PDK1: variants seen among roughly 807,000 people sequenced by gnomAD.
PDK1 encodes pyruvate dehydrogenase kinase 1.
PDK1 carries 39 observed loss-of-function variants against 54.2 expected under a neutral mutation model. The observed-to-expected ratio is 0.72, with a 90% CI of 0.56 to 0.94. The LOEUF is 0.94. PDK1 is among the 40% of genes least tolerant of loss of function. The pLI is 0.00. For synonymous variants in PDK1, 221 were observed against 207.1 expected (o/e 1.07, Z -0.58); for missense variants, 552 against 566.0 (o/e 0.98, Z 0.25).
chr2:172,699,827 G>A, the PDK1 span, among the ~76,000 whole-genome samples: 1 of 151,750 alleles, frequency 6.6e-6, no homozygotes, highest in African/African-American at 2.4e-5. Flanking sequence ...CAGGGTCACA[G>A]GACAACAGTG....
At chr2:172,672,669 C>T in the PDK1 span, among the ~76,000 whole-genome samples, 1 of 151,418 alleles carries the variant, frequency 6.6e-6, no homozygotes. Context: ...TTTACAATAT[C>T]ATTCAATAAA....
intron 5 of PDK1, 46 bp downstream of exon 5, chr2:172,565,119 AATT>A: frequency 8.9e-7 from 1 of 1,118,604 alleles, no homozygotes. Context: ...CAAAAATCAA[AATT>A]ATTGTTATTT....
chr2:172,656,183 C>T, the PDK1 span, among the ~76,000 whole-genome samples: 1 of 152,166 alleles, frequency 6.6e-6, no homozygotes, highest in Non-Finnish European at 1.5e-5. Context: ...TTCAGAATCT[C>T]TAAGTATTTT....
chr2:172,611,183 A>G (rs186441449), downstream of PDK1, among the ~76,000 whole-genome samples: 1 of 152,194 alleles, frequency 6.6e-6, no homozygotes, highest in African/African-American at 2.4e-5. Flanking sequence ...TTGATAGTCA[A>G]ATCCTGAGTA....
At chr2:172,707,060 C>T in the PDK1 span, among the ~76,000 whole-genome samples, 1 of 152,232 alleles carries the variant, frequency 6.6e-6, no homozygotes, top group East Asian at 1.9e-4. Flanking sequence ...GTTGTTTCCA[C>T]TGGGCACGGG....
chr2:172,699,728 TTTTTTC>T, the PDK1 span, among the ~76,000 whole-genome samples: 427 of 136,816 alleles, frequency 3.1e-3, 1 homozygote, highest in African/African-American at 9.8e-3. Context: ...TAAATGTGCT[TTTTTTC>T]TTTTTCTTTT....
In PDK1 at chr2:172,566,325, C is replaced by T. The variant is rs545838503; in HGVS notation, c.692-531C>T. Among the ~76,000 whole-genome samples, 7 of 152,206 alleles carry T rather than the reference C, an allele frequency of 4.6e-5. No homozygotes were observed. In the South Asian group the frequency reaches 8.3e-4, roughly 18 times the overall value. On this transcript the variant is annotated intron_variant, in intron 5 of 10. Coordinates refer to ENST00000282077, the MANE Select transcript of PDK1 (RefSeq NM_002610.5). ...ATCCCAGCACTTTGGAAGGCTGAAG[C>T]GGGTGGATCACCTGAGGTCAGGAGT...
At chr2:172,694,747 A>ATT in the PDK1 span, among the ~76,000 whole-genome samples, 1 of 152,198 alleles carries the variant, frequency 6.6e-6, no homozygotes, top group African/African-American at 2.4e-5. Context: ...ACTTGTTTTT[A>ATT]TTAATCTTTC....
the PDK1 span, among the ~76,000 whole-genome samples, chr2:172,710,474 T>A: frequency 6.6e-6 from 1 of 152,264 alleles, no homozygotes; most frequent in African/African-American, 2.4e-5. Context: ...CTTATACATG[T>A]ATAAGTTTTA....
the PDK1 span, among the ~76,000 whole-genome samples, chr2:172,637,101 A>G: frequency 6.6e-6 from 1 of 152,252 alleles, no homozygotes; most frequent in Non-Finnish European, 1.5e-5. Context: ...AGAAGAGTCT[A>G]GAACGGGTTA....
At chr2:172,647,406 G>T in the PDK1 span, among the ~76,000 whole-genome samples, 7 of 152,116 alleles carry the variant, frequency 4.6e-5, no homozygotes, top group East Asian at 1.9e-4. Flanking sequence ...AAAGAGAGAA[G>T]CTGTAAAATG....
the PDK1 span, among the ~76,000 whole-genome samples, chr2:172,693,526 G>A: frequency 2.0e-5 from 3 of 152,188 alleles, no homozygotes; most frequent in Non-Finnish European, 4.4e-5. Context: ...TGCTTAGAAG[G>A]TACCTGGTAC....
chr2:172,615,597 T>C, the PDK1 span, among the ~76,000 whole-genome samples: 1 of 151,910 alleles, frequency 6.6e-6, no homozygotes, highest in Non-Finnish European at 1.5e-5. Context: ...CACTCCAGCC[T>C]GGGCAATAAG....
chr2:172,683,082 C>T, the PDK1 span, among the ~76,000 whole-genome samples: 1 of 152,084 alleles, frequency 6.6e-6, no homozygotes, highest in Admixed American at 6.6e-5. Context: ...CATGGGGGCT[C>T]ACACCTGTAA....
chr2:172,559,584 G>A (rs796806859), intron 2 of PDK1, among the ~76,000 whole-genome samples: 2 of 152,082 alleles, frequency 1.3e-5, no homozygotes, highest in African/African-American at 4.8e-5. Context: ...ATCTTGCTCT[G>A]TTGCCCAGGC....
the PDK1 span, among the ~76,000 whole-genome samples, chr2:172,639,827 A>T: frequency 2.0e-5 from 3 of 152,214 alleles, no homozygotes; most frequent in African/African-American, 7.2e-5. Flanking sequence ...AAAATCAGCA[A>T]AATGGGTGAG....
chr2:172,632,719 C>T, the PDK1 span, among the ~76,000 whole-genome samples: 2,089 of 151,908 alleles, frequency 0.014, 21 homozygotes, highest in South Asian at 0.041. Context: ...CGGTGGCTCA[C>T]GCCTGTAATC....
chr2:172,682,595 G>C, the PDK1 span, among the ~76,000 whole-genome samples: 1 of 152,240 alleles, frequency 6.6e-6, no homozygotes, highest in Admixed American at 6.5e-5. Flanking sequence ...GAAGACAGTA[G>C]AGTGGCCATT....
the PDK1 span, among the ~76,000 whole-genome samples, chr2:172,680,058 C>A: frequency 6.6e-6 from 1 of 152,158 alleles, no homozygotes; most frequent in African/African-American, 2.4e-5. Context: ...ATATCAGGTC[C>A]ATTTTTCTTA....
Sources: gnomAD v4.1 joint callset for allele counts (sites outside exome capture counted in the v4.1 genomes callset) on GRCh38, gnomAD v4.1.1 for gene constraint, MANE v1.5 for transcripts, NCBI Gene and HGNC (gene_info 2026-07-23, HGNC 2026-07-21) for gene names.